The following MYLK variants were observed in gnomAD, a reference collection of about 807,000 sequenced individuals.
MYLK encodes myosin light chain kinase, smooth muscle.
Under a neutral mutation model 203.4 loss-of-function variants are expected in MYLK, and 106 were observed. The ratio of observed to expected loss-of-function variants is 0.52; its 90% CI spans 0.45 to 0.61. The LOEUF (loss-of-function observed/expected upper bound fraction) is 0.61, where lower values mean the gene tolerates loss of function less well. MYLK is among the 20% of genes least tolerant of loss of function. The probability of loss-of-function intolerance (pLI) is 0.00; values close to 1 mark genes in which losing one functional copy is unlikely to be tolerated. For missense variants in MYLK, 2,072 were observed against 2,442.3 expected (o/e 0.85, Z 3.20); for synonymous variants, 867 against 959.5 (o/e 0.90, Z 1.78).
At chr3:123,775,280 C>T (rs1348483004) in intron 4 of MYLK, among the ~76,000 whole-genome samples, 1 of 152,182 alleles carries the variant, frequency 6.6e-6, no homozygotes, top group African/African-American at 2.4e-5. Flanking sequence ...CAATCCTCCC[C>T]CAACAGCCTC....
At chr3:123,734,362 G>C (rs920001092) in intron 9 of MYLK, 140 bp from the exon 10 acceptor site, 41 of 836,184 alleles carry the variant, frequency 4.9e-5, no homozygotes, top group Middle Eastern at 3.7e-4. Flanking sequence ...GCAAGTAAGA[G>C]CATCTTTCTC....
intron 5 of MYLK, among the ~76,000 whole-genome samples, chr3:123,741,666 C>T (rs1456124): frequency 0.92 from 139,627 of 152,290 alleles, 64,854 homozygotes; most frequent in Non-Finnish European, 1. Context: ...AAGGAAACGA[C>T]GCTAAAGTTA....
At chr3:123,647,552 G>C in intron 26 of MYLK, 125 bp from the exon 27 acceptor site, 1 of 815,526 alleles carries the variant, frequency 1.2e-6, no homozygotes, top group Non-Finnish European at 2.1e-6. Flanking sequence ...AGGTGTTACT[G>C]GAGCACAGCC....
intron 3 of MYLK, among the ~76,000 whole-genome samples, chr3:123,815,915 T>A (rs776823671): frequency 6.6e-6 from 1 of 152,184 alleles, no homozygotes; most frequent in Non-Finnish European, 1.5e-5. Flanking sequence ...GCTATAATAG[T>A]CCCTGGAGAC....
At chr3:123,721,894 T>G (rs2062101982) in intron 13 of MYLK, among the ~76,000 whole-genome samples, 1 of 150,472 alleles carries the variant, frequency 6.6e-6, no homozygotes, top group South Asian at 2.1e-4. Context: ...CTCCCTCACT[T>G]CCTACCTGCA....
chr3:123,620,738 G>A, intron 31 of MYLK: 2 of 668,620 alleles, frequency 3.0e-6, no homozygotes, highest in Non-Finnish European at 3.8e-6. Flanking sequence ...CAATGCCAGT[G>A]ATGTGATTAT....
intron 2 of MYLK, among the ~76,000 whole-genome samples, chr3:123,875,871 GTAGATACTGAATATT>G (rs761793927): frequency 3.3e-4 from 51 of 152,264 alleles, no homozygotes; most frequent in South Asian, 6.2e-4. Context: ...AGATGATCAG[GTAGATACTGAATATT>G]TATTTTTTTC....
intron 4 of MYLK, among the ~76,000 whole-genome samples, chr3:123,789,260 C>A (rs1367699328): frequency 6.6e-6 from 1 of 152,136 alleles, no homozygotes; most frequent in Non-Finnish European, 1.5e-5. Context: ...GGCACGTGAG[C>A]AGAACACAGA....
chr3:123,817,670 C>T (rs755322423), intron 3 of MYLK, among the ~76,000 whole-genome samples: 5 of 152,156 alleles, frequency 3.3e-5, no homozygotes, highest in Non-Finnish European at 5.9e-5. Context: ...ATGTGTGCAA[C>T]GAGATTTGCC....
At chr3:123,781,327 C>A (rs2064289917) in intron 4 of MYLK, among the ~76,000 whole-genome samples, 1 of 152,212 alleles carries the variant, frequency 6.6e-6, no homozygotes, top group African/African-American at 2.4e-5. Context: ...TCTCCAGTAA[C>A]TCTGCCCTCC....
intron 9 of MYLK, chr3:123,734,830 A>C: frequency 5.8e-6 from 1 of 171,270 alleles, no homozygotes; most frequent in Non-Finnish European, 1.3e-5. Flanking sequence ...GCTTTTCTTC[A>C]CCAGCTAACA....
At chr3:123,757,499 T>C (rs2063394138) in intron 4 of MYLK, among the ~76,000 whole-genome samples, 1 of 152,114 alleles carries the variant, frequency 6.6e-6, no homozygotes, top group Non-Finnish European at 1.5e-5. Context: ...AAGAAGGAAC[T>C]GAGGCTCTGC....
chr3:123,730,036 G>A (rs139899423), intron 11 of MYLK, among the ~76,000 whole-genome samples: 64 of 152,254 alleles, frequency 4.2e-4, no homozygotes, highest in African/African-American at 1.5e-3. Flanking sequence ...AGACCAGCCT[G>A]GGCAACATAG....
chr3:123,800,363 A>G (rs2109151763), intron 3 of MYLK, among the ~76,000 whole-genome samples: 1 of 152,230 alleles, frequency 6.6e-6, no homozygotes, highest in East Asian at 1.9e-4. Flanking sequence ...CCCAGGGATC[A>G]TAAGATATTT....
chr3:123,796,940 T>C (rs2109126375), intron 3 of MYLK, among the ~76,000 whole-genome samples: 1 of 152,284 alleles, frequency 6.6e-6, no homozygotes, highest in South Asian at 2.1e-4. Context: ...GAATCAGAGA[T>C]ACAGCCCAAA....
intron 12 of MYLK, 27 bp downstream of exon 12, chr3:123,725,917 C>A (rs770396623): frequency 6.2e-7 from 1 of 1,610,430 alleles, no homozygotes; most frequent in South Asian, 1.1e-5. Context: ...GGGATGGGAG[C>A]AGAGAGCTGG....
At chr3:123,793,634 C>A (rs749923417) in intron 4 of MYLK, 43 bp downstream of exon 4, 5 of 1,609,588 alleles carry the variant, frequency 3.1e-6, no homozygotes, top group Non-Finnish European at 4.2e-6. Flanking sequence ...GCGGCCCCTG[C>A]CCATCCTTCC....
chr3:123,691,962 TTTC>T (rs2060688277), intron 19 of MYLK: 1 of 152,370 alleles, frequency 6.6e-6, no homozygotes, highest in African/African-American at 2.4e-5. Flanking sequence ...ATGCCCTCAG[TTTC>T]TTATCTGTAA....
chr3:123,718,770 C>T (rs1040026495), intron 13 of MYLK, among the ~76,000 whole-genome samples: 13 of 152,298 alleles, frequency 8.5e-5, no homozygotes, highest in African/African-American at 1.9e-4. Flanking sequence ...CTTAACAGCA[C>T]GTGCCAGCAT....
Sources: gnomAD v4.1 joint callset for allele counts (sites outside exome capture counted in the v4.1 genomes callset) on GRCh38, gnomAD v4.1.1 for gene constraint, MANE v1.5 for transcripts, NCBI Gene and HGNC (gene_info 2026-07-23, HGNC 2026-07-21) for gene names.